Variants in UBASH3B observed in about 807,000 individuals in gnomAD.
UBASH3B encodes the protein ubiquitin-associated and SH3 domain-containing protein B.
In UBASH3B, 37 loss-of-function variants were observed where a neutral mutation model predicts 83.4. That is an observed-to-expected ratio of 0.44 (90% CI 0.34 to 0.58). The LOEUF (loss-of-function observed/expected upper bound fraction) is 0.58. Ranked by LOEUF, UBASH3B falls within the 20% of genes least tolerant of loss-of-function variation. UBASH3B has a pLI of 0.01. For synonymous variants in UBASH3B, 304 were observed against 318.3 expected, an observed-to-expected ratio of 0.96 and a Z score of 0.48; for missense variants, 657 against 827.2, an observed-to-expected ratio of 0.79 and a Z score of 2.52.
chr11:122,774,119 A>G, intron 1 of UBASH3B: 3 of 985,038 alleles, frequency 3.0e-6, no homozygotes, highest in Non-Finnish European at 3.6e-6. Flanking sequence ...GAAACAGACA[A>G]GGCTGCAACC....
In UBASH3B at chr11:122,777,300, G is replaced by A. The variant is rs1195554021; in HGVS notation, c.402+90G>A. The stretch of plus-strand genomic sequence containing the variant: ...CCTGGAGCAAAGGGAGGCCTCGCAG[G>A]AAGACAGCAGGAATAGTCACAGGCT... On this transcript the variant is annotated intron_variant, in intron 3 of 13. Transcript: ENST00000284273. The A allele has an allele frequency of 6.5e-6, 9 of 1,378,642 alleles. No homozygotes were observed. The East Asian group carries it at 2.3e-4, about 35-fold the overall frequency. 85.4% of individuals were successfully genotyped at this position (1,378,642 alleles called of 1,614,324 possible). A position where few individuals can be genotyped will look rare whatever the true frequency, so the allele number is the denominator to read the frequency against.
chr11:122,781,172 C>T (rs915586530), intron 4 of UBASH3B, among the ~76,000 whole-genome samples: 2 of 151,908 alleles, frequency 1.3e-5, no homozygotes, highest in Admixed American at 6.6e-5. Flanking sequence ...TTGCAACCCC[C>T]ACCCCCACCT....
At chr11:122,685,215 TTTC>T (rs1486298786) in intron 1 of UBASH3B, among the ~76,000 whole-genome samples, 1 of 152,164 alleles carries the variant, frequency 6.6e-6, no homozygotes, top group East Asian at 1.9e-4. Flanking sequence ...TTGCCTTGTT[TTTC>T]TTCTTTATTT....
chr11:122,751,114 C>CTCAT (rs71054095), intron 1 of UBASH3B, among the ~76,000 whole-genome samples: 113,847 of 151,720 alleles, frequency 0.75, 44,388 homozygotes, highest in Non-Finnish European at 0.86. Flanking sequence ...TTCCCGGCCT[C>CTCAT]TCATGTTTTG....
rs543251046 is a variant in UBASH3B at position 122,811,762 on chromosome 11, A to G, written c.*1876A>G. ...TGGGTATGGAAATAACCCTGTGATG[A>G]TGTGTTAATATAAAATGTTGGGAGG... is the stretch of plus-strand genomic sequence containing the variant. On this transcript the variant is annotated 3_prime_UTR_variant, in exon 14 of 14. Transcript: ENST00000284273. 31 of 152,296 alleles carry G rather than the reference A, an allele frequency of 2.0e-4. No homozygotes were observed. The highest frequency in any genetic ancestry group is 7.5e-4 in the African/African-American group (31 of 41,568). The allele number at this position is 152,296 out of a possible 1,614,324, so 9.4% of individuals were successfully genotyped here.
At chr11:122,703,990 T>C (rs1864082087) in intron 1 of UBASH3B, among the ~76,000 whole-genome samples, 1 of 152,226 alleles carries the variant, frequency 6.6e-6, no homozygotes. Flanking sequence ...TCCAAGGTGC[T>C]AATAGTCAAG....
intron 1 of UBASH3B, among the ~76,000 whole-genome samples, chr11:122,676,631 G>T (rs562610851): frequency 6.6e-6 from 1 of 152,254 alleles, no homozygotes; most frequent in Non-Finnish European, 1.5e-5. Flanking sequence ...GATTGCTTGA[G>T]CCCAGGAGAT....
chr11:122,661,073 T>C (rs949213460), intron 1 of UBASH3B, among the ~76,000 whole-genome samples: 14 of 152,162 alleles, frequency 9.2e-5, no homozygotes, highest in African/African-American at 3.4e-4. Context: ...CAAGATGTGA[T>C]TGGGGCATTA....
chr11:122,671,762 T>C (rs904478016), intron 1 of UBASH3B, among the ~76,000 whole-genome samples: 3 of 152,086 alleles, frequency 2.0e-5, no homozygotes, highest in Non-Finnish European at 2.9e-5. Flanking sequence ...CTCGGTGAGA[T>C]GGCCTGCATT....
Position 122,758,681 on chromosome 11 carries a change from C to T in UBASH3B, c.162-17538C>T, listed in dbSNP as rs905311717. Among the ~76,000 whole-genome samples the T allele has an allele frequency of 1.3e-5, 2 of 152,180 alleles. No homozygotes were observed. Among genetic ancestry groups the T allele is most frequent in the African/African-American group, 4.8e-5 (2 of 41,438 alleles). On this transcript the variant is annotated intron_variant, in intron 1 of 13. Coordinates refer to ENST00000284273, the MANE Select transcript of UBASH3B (RefSeq NM_032873.5). This position sits in a 1 kb window ranked among gnomAD's most constrained non-coding sequence, Gnocchi z 4.2. The stretch of plus-strand genomic sequence containing the variant: ...TCTGTGCGATTATAAGTAGATGCAC[C>T]TGCCACTCCACGCCACTCTACTCCC...
chr11:122,729,180 C>T (rs1436515872), intron 1 of UBASH3B, among the ~76,000 whole-genome samples: 1 of 152,186 alleles, frequency 6.6e-6, no homozygotes, highest in African/African-American at 2.4e-5. Context: ...ACTAGGACTG[C>T]GGAGTGAGTA....
At chr11:122,673,852 T>C (rs2135902280) in intron 1 of UBASH3B, among the ~76,000 whole-genome samples, 1 of 152,352 alleles carries the variant, frequency 6.6e-6, no homozygotes, top group East Asian at 1.9e-4. Flanking sequence ...AAGAAGGAAG[T>C]ACTCTCAAAT....
At chr11:122,762,968 C>T (rs984042454) in intron 1 of UBASH3B, among the ~76,000 whole-genome samples, 6 of 152,176 alleles carry the variant, frequency 3.9e-5, no homozygotes, top group Admixed American at 1.3e-4. Context: ...TTGTGCTGAG[C>T]TCTTCAAATA....
At chr11:122,744,873 C>CGTG (rs1555142485) in intron 1 of UBASH3B, among the ~76,000 whole-genome samples, 5 of 139,434 alleles carry the variant, frequency 3.6e-5, no homozygotes, top group Non-Finnish European at 1.5e-5. Context: ...ATGTGTGACT[C>CGTG]TGTGTGTGTG....
chr11:122,674,752 G>A (rs1257934132), intron 1 of UBASH3B, among the ~76,000 whole-genome samples: 2 of 135,698 alleles, frequency 1.5e-5, no homozygotes, highest in Admixed American at 1.6e-4. Context: ...TTTTTGAGGC[G>A]GAGTCTCGCT....
At chr11:122,798,428 A>C (rs1441669655) in intron 9 of UBASH3B, among the ~76,000 whole-genome samples, 1 of 152,132 alleles carries the variant, frequency 6.6e-6, no homozygotes, top group African/African-American at 2.4e-5. Flanking sequence ...AAAGACAAGA[A>C]GGGGCCAGGT....
intron 1 of UBASH3B, among the ~76,000 whole-genome samples, chr11:122,753,503 T>C (rs1484521030): frequency 6.7e-6 from 1 of 149,240 alleles, no homozygotes; most frequent in Non-Finnish European, 1.5e-5. Context: ...CTTTCTTTTT[T>C]TTTTTTTTTT....
chr11:122,747,046 G>A (rs1469861801), intron 1 of UBASH3B, among the ~76,000 whole-genome samples: 1 of 152,220 alleles, frequency 6.6e-6, no homozygotes, highest in Non-Finnish European at 1.5e-5. Flanking sequence ...AACTGCCGAG[G>A]CTCCTGGCTG....
chr11:122,798,026 T>C (rs1334650873), intron 9 of UBASH3B, among the ~76,000 whole-genome samples: 1 of 152,150 alleles, frequency 6.6e-6, no homozygotes, highest in Non-Finnish European at 1.5e-5. Flanking sequence ...GGCTCTCACC[T>C]ATAATCTAGC....
Sources: allele counts gnomAD v4.1 joint callset (sites outside exome capture counted in the v4.1 genomes callset), GRCh38; gene constraint gnomAD v4.1.1; non-coding constraint Gnocchi (gnomAD v3.1); transcripts MANE v1.5; gene names NCBI Gene and HGNC (gene_info 2026-07-23, HGNC 2026-07-21).